Variants in CTNNA3 observed in about 807,000 individuals in gnomAD.
CTNNA3 encodes catenin alpha-3.
In CTNNA3, 76 loss-of-function variants were observed where a neutral mutation model predicts 95.7. The observed-to-expected ratio is 0.79, with a 90% CI of 0.66 to 0.96. CTNNA3 has a LOEUF of 0.96. CTNNA3 is among the 40% of genes least tolerant of loss of function. The pLI is 0.00. For synonymous variants in CTNNA3, 431 were observed against 374.4 expected (o/e 1.15, Z -1.74); for missense variants, 1,191 against 1,089.8 (o/e 1.09, Z -1.31).
chr10:66,056,345 A>G (rs1268030328), intron 15 of CTNNA3, among the ~76,000 whole-genome samples: 1 of 152,106 alleles, frequency 6.6e-6, no homozygotes, highest in Middle Eastern at 3.2e-3. Flanking sequence ...ATTGATTTGC[A>G]TATGTTGAAC....
rs150710369 is a variant in CTNNA3 at position 66,063,194 on chromosome 10, G to GTATA, written c.2159+6110_2159+6113dup. ...CTTTCCAGCCAATGACTGGATACAT[G>GTATA]TATATATATATATATATATAGATAT... On this transcript the variant is annotated intron_variant, in intron 15 of 17. Transcript: ENST00000433211. 6.5e-4 allele frequency among the ~76,000 whole-genome samples: 78 copies of GTATA among 119,860 alleles called. No individual in the cohort carries two copies. In the Middle Eastern group the frequency reaches 0.013, roughly 20 times the overall value. The allele number at this position is 119,860 out of a possible 152,430, so 78.6% of individuals were successfully genotyped here. A position where few individuals can be genotyped will look rare whatever the true frequency, so the allele number is the denominator to read the frequency against.
chr10:67,125,422 G>A (rs1859677197), intron 7 of CTNNA3, among the ~76,000 whole-genome samples: 1 of 151,570 alleles, frequency 6.6e-6, no homozygotes, highest in Admixed American at 6.6e-5. Flanking sequence ...ATAAAAAAAT[G>A]AATCATTAGC....
intron 7 of CTNNA3, among the ~76,000 whole-genome samples, chr10:67,137,915 A>G (rs1860374005): frequency 6.6e-6 from 1 of 151,104 alleles, no homozygotes; most frequent in African/African-American, 2.4e-5. Flanking sequence ...TTTATTTTAT[A>G]TATTTATTTA....
intron 3 of CTNNA3, among the ~76,000 whole-genome samples, chr10:67,588,343 C>T (rs914324047): frequency 6.6e-6 from 1 of 151,656 alleles, no homozygotes; most frequent in Non-Finnish European, 1.5e-5. Context: ...TTTGAATTTA[C>T]TTTTTTTCAT....
At chr10:66,868,228 G>A (rs932281282) in intron 7 of CTNNA3, among the ~76,000 whole-genome samples, 6 of 150,472 alleles carry the variant, frequency 4.0e-5, no homozygotes, top group African/African-American at 1.5e-4. Context: ...ATGGGGGTGT[G>A]GTAGCTAGCA....
At chr10:66,530,387 A>G (rs1440871579) in intron 10 of CTNNA3, among the ~76,000 whole-genome samples, 1 of 152,160 alleles carries the variant, frequency 6.6e-6, no homozygotes, top group Non-Finnish European at 1.5e-5. Flanking sequence ...TCAATGCTCT[A>G]ACTCTGTTCA....
At chr10:66,203,694 T>C (rs1462239120) in intron 13 of CTNNA3, among the ~76,000 whole-genome samples, 1 of 152,114 alleles carries the variant, frequency 6.6e-6, no homozygotes. Context: ...TACAATTACC[T>C]AATTTTGTTA....
At chr10:67,745,393 G>A (rs1401943616) in intron 1 of CTNNA3, among the ~76,000 whole-genome samples, 3 of 151,280 alleles carry the variant, frequency 2.0e-5, no homozygotes, top group Non-Finnish European at 4.4e-5. Context: ...ATCATTCTCA[G>A]CAAACTATGG....
chr10:66,775,100 T>TATTG (rs1445144384), intron 8 of CTNNA3, among the ~76,000 whole-genome samples: 4 of 152,212 alleles, frequency 2.6e-5, no homozygotes, highest in African/African-American at 9.6e-5. Flanking sequence ...ACATGCATTT[T>TATTG]ATTGATTCCT....
intron 9 of CTNNA3, among the ~76,000 whole-genome samples, chr10:66,641,988 T>C (rs1254547657): frequency 6.6e-6 from 1 of 152,104 alleles, no homozygotes; most frequent in Non-Finnish European, 1.5e-5. Flanking sequence ...AATACAGAAC[T>C]TATCTGAGCC....
At chr10:66,611,958 T>G (rs1844343560) in intron 10 of CTNNA3, among the ~76,000 whole-genome samples, 2 of 152,142 alleles carry the variant, frequency 1.3e-5, no homozygotes, top group Admixed American at 1.3e-4. Context: ...ACATCTCAAG[T>G]TCTTGTAGTT....
intron 2 of CTNNA3, among the ~76,000 whole-genome samples, chr10:67,625,939 C>A (rs1463120365): frequency 6.6e-6 from 1 of 152,104 alleles, no homozygotes; most frequent in African/African-American, 2.4e-5. Flanking sequence ...AATCCCAGCA[C>A]TTTGAGAGGC....
At chr10:67,691,662 C>T (rs1416768144) in intron 1 of CTNNA3, among the ~76,000 whole-genome samples, 4 of 151,820 alleles carry the variant, frequency 2.6e-5, no homozygotes, top group Non-Finnish European at 4.4e-5. Context: ...CCGGCAGCCG[C>T]CCCATCTGAG....
intron 10 of CTNNA3, among the ~76,000 whole-genome samples, chr10:66,561,748 A>C (rs1165397634): frequency 6.6e-6 from 1 of 152,028 alleles, no homozygotes; most frequent in Non-Finnish European, 1.5e-5. Context: ...ACTTTACCTA[A>C]TGGAAACTTT....
At chr10:66,410,268 G>A (rs572891863) in intron 11 of CTNNA3, among the ~76,000 whole-genome samples, 1 of 152,316 alleles carries the variant, frequency 6.6e-6, no homozygotes, top group East Asian at 1.9e-4. Flanking sequence ...TTCAGGTGGA[G>A]TCAAGATTGC....
rs139737221 is a variant in CTNNA3, at chr10:67,642,373, A to T, written c.99+5042T>A. On this transcript the variant is annotated intron_variant, in intron 2 of 17. Coordinates refer to ENST00000433211, the MANE Select transcript of CTNNA3 (RefSeq NM_013266.4). ...AAACATTAAAAAGTGGGCAAAAGAC[A>T]TGAACAGACACTTCTCAAAAGAAGA... is the stretch of plus-strand genomic sequence containing the variant. Among the ~76,000 whole-genome samples the T allele has an allele frequency of 9.9e-3, 1,512 of 152,268 alleles. 31 individuals carry two copies. Among genetic ancestry groups the T allele is most frequent in the African/African-American group, 0.035 (1,440 of 41,554 alleles).
intron 15 of CTNNA3, among the ~76,000 whole-genome samples, chr10:66,036,533 C>G (rs2079566713): frequency 6.6e-6 from 1 of 152,006 alleles, no homozygotes; most frequent in African/African-American, 2.4e-5. Context: ...TACCACCACG[C>G]CCTGCTAATT....
At chr10:66,717,069 C>T (rs1848475296) in intron 9 of CTNNA3, among the ~76,000 whole-genome samples, 1 of 151,908 alleles carries the variant, frequency 6.6e-6, no homozygotes, top group Non-Finnish European at 1.5e-5. Context: ...TGAGGTATCC[C>T]CCATAAGAAG....
intron 11 of CTNNA3, among the ~76,000 whole-genome samples, chr10:66,487,448 G>C (rs1839777966): frequency 6.6e-6 from 1 of 151,750 alleles, no homozygotes. Context: ...TGATCCGCCC[G>C]TCTCGGCTTC....
Sources: allele counts gnomAD v4.1 joint callset (sites outside exome capture counted in the v4.1 genomes callset), GRCh38; gene constraint gnomAD v4.1.1; transcripts MANE v1.5; gene names NCBI Gene and HGNC (gene_info 2026-07-23, HGNC 2026-07-21).